PKHD1: variants seen among roughly 807,000 people sequenced by gnomAD.
PKHD1 encodes the protein PKHD1 ciliary IPT domain containing fibrocystin/polyductin.
Under a neutral mutation model 412.0 loss-of-function variants are expected in PKHD1, and 291 were observed. The ratio of observed to expected loss-of-function variants is 0.71; its 90% confidence interval spans 0.64 to 0.78. The LOEUF is 0.78. PKHD1 is among the 30% of genes least tolerant of loss of function. PKHD1 has a pLI of 0.00. For synonymous variants in PKHD1, 1,777 were observed against 1,821.5 expected, an observed-to-expected ratio of 0.98 and a Z score of 0.62; for missense variants, 4,825 against 4,950.7, an observed-to-expected ratio of 0.97 and a Z score of 0.76.
At chr6:51,841,905 C>G (rs1770274483) in intron 50 of PKHD1, among the ~76,000 whole-genome samples, 1 of 152,220 alleles carries the variant, frequency 6.6e-6, no homozygotes, top group African/African-American at 2.4e-5. Context: ...CAGTGGTAGA[C>G]AGGATCAGGA....
Position 51,747,961 on chromosome 6 carries a change from C to T in PKHD1, c.9655G>A (p.Val3219Met). 11 of 1,614,060 alleles carry T rather than the reference C, an allele frequency of 6.8e-6. No homozygotes were observed. The highest frequency in any genetic ancestry group is 9.3e-6 in the Non-Finnish European group (11 of 1,179,976). The change falls in exon 58 of 67, where the codon GTG becomes ATG. Residue 3219 changes from valine (V) to methionine (M), a missense_variant. Transcript: ENST00000371117. ...GTCAAGTTGGCTGAGTGCGGCTTCA[C>T]TTTGTCCTGAATGCAGTCAAAAGAA... ...SSSFDCIQDKVKPHSANLTST... is the reference protein window; with the variant it reads ...SSSFDCIQDKMKPHSANLTST...
intron 48 of PKHD1, among the ~76,000 whole-genome samples, chr6:51,859,878 C>A (rs1233029165): frequency 6.6e-6 from 1 of 152,194 alleles, no homozygotes. Flanking sequence ...GGAAACATTG[C>A]ACCTTCCTTT....
At chr6:51,852,191 T>C (rs1392137494) in intron 49 of PKHD1, among the ~76,000 whole-genome samples, 1 of 152,206 alleles carries the variant, frequency 6.6e-6, no homozygotes, top group Non-Finnish European at 1.5e-5. Flanking sequence ...ATTGTTCAAT[T>C]TCCATGAAAT....
chr6:51,974,233 A>C (rs1413079858), intron 35 of PKHD1, among the ~76,000 whole-genome samples: 1 of 152,152 alleles, frequency 6.6e-6, no homozygotes, highest in Non-Finnish European at 1.5e-5. Flanking sequence ...TGTTTTAGAA[A>C]ATTGAGAAAG....
intron 14 of PKHD1, 54 bp downstream of exon 14, chr6:52,062,465 C>A (rs962688576): frequency 6.3e-7 from 1 of 1,581,348 alleles, no homozygotes; most frequent in African/African-American, 1.3e-5. Flanking sequence ...CCTAGCCTCA[C>A]CTAGGTTAGC....
chr6:52,064,279 A>C (rs1809156433), intron 13 of PKHD1, among the ~76,000 whole-genome samples: 1 of 152,212 alleles, frequency 6.6e-6, no homozygotes. Context: ...ACTGCCCTTC[A>C]TCCCTGACTA....
Position 51,880,793 on chromosome 6 carries a change from A to C in PKHD1, c.7350+2300T>G, listed in dbSNP as rs1227789731. ...AAAAAAAAAATTAAAAAAAAAAAAA[A>C]AAAAAAAAAAAAAACACAAAAAATT... On this transcript the variant is annotated intron_variant, in intron 46 of 66. Transcript: ENST00000371117. 4.3e-3 allele frequency among the ~76,000 whole-genome samples: 262 copies of C among 61,048 alleles called. 43 individuals carry two copies. The highest frequency in any genetic ancestry group is 6.2e-3 in the Non-Finnish European group (215 of 34,412). 40.0% of individuals were successfully genotyped at this position (61,048 alleles called of 152,430 possible). A position where few individuals can be genotyped will look rare whatever the true frequency, so the allele number is the denominator to read the frequency against.
chr6:51,960,102 G>T (rs1583574590), intron 35 of PKHD1, 76 bp from the exon 36 acceptor site: 2 of 1,308,858 alleles, frequency 1.5e-6, no homozygotes, highest in East Asian at 2.3e-5. Flanking sequence ...TGGTTCGCTG[G>T]TTTGTTGGTT....
chr6:52,080,278 G>T (rs954414349), intron 4 of PKHD1, among the ~76,000 whole-genome samples: 9 of 152,106 alleles, frequency 5.9e-5, no homozygotes, highest in African/African-American at 2.2e-4. Flanking sequence ...AGGTTCATTG[G>T]ACTTTAAGAA....
chr6:51,766,321 A>T (rs962423598), intron 55 of PKHD1, among the ~76,000 whole-genome samples: 2 of 152,168 alleles, frequency 1.3e-5, no homozygotes, highest in African/African-American at 4.8e-5. Context: ...CCTTCCAGGG[A>T]TTTCCCTATT....
intron 36 of PKHD1, among the ~76,000 whole-genome samples, chr6:51,941,863 T>A (rs1038210044): frequency 4.6e-5 from 7 of 151,596 alleles, no homozygotes; most frequent in South Asian, 2.1e-4. Context: ...TTACCTGGGC[T>A]GTACTGCCGC....
chr6:51,890,696 A>T (rs1398448837), intron 43 of PKHD1, among the ~76,000 whole-genome samples: 1 of 151,900 alleles, frequency 6.6e-6, no homozygotes, highest in East Asian at 1.9e-4. Context: ...TCTCATTCTC[A>T]CCACATGGGG....
chr6:51,653,145 A>T (rs905304282), intron 61 of PKHD1, among the ~76,000 whole-genome samples: 1 of 152,154 alleles, frequency 6.6e-6, no homozygotes, highest in Non-Finnish European at 1.5e-5. Context: ...ACTGTGAGAT[A>T]TGCAAAGATA....
chr6:51,823,161 T>C (rs1159743724), intron 52 of PKHD1, among the ~76,000 whole-genome samples: 1 of 151,866 alleles, frequency 6.6e-6, no homozygotes, highest in Non-Finnish European at 1.5e-5. Context: ...CAGGAATACC[T>C]GCTAGAATCC....
chr6:51,742,450 G>A (rs1003258221), intron 60 of PKHD1, among the ~76,000 whole-genome samples: 14 of 152,188 alleles, frequency 9.2e-5, no homozygotes, highest in African/African-American at 3.4e-4. Context: ...GTCAAATGCT[G>A]TACTGTAGCA....
chr6:52,010,213 G>T, intron 35 of PKHD1, 96 bp downstream of exon 35: 1 of 1,013,716 alleles, frequency 9.9e-7, no homozygotes, highest in Non-Finnish European at 1.5e-6. Flanking sequence ...ATTATATATC[G>T]CTGCCATTTG....
At chr6:51,838,224 T>C (rs911830247) in intron 50 of PKHD1, among the ~76,000 whole-genome samples, 7 of 152,232 alleles carry the variant, frequency 4.6e-5, no homozygotes, top group Admixed American at 1.3e-4. Context: ...TCATCAATAA[T>C]TAGCTTTGTC....
rs142552070 is a variant in PKHD1 at position 51,909,400 on chromosome 6, C to G, written c.6565G>C (p.Val2189Leu). ...CTGGGCTCTTCTGGGAAGGACTGAA[C>G]GATCACTCTGGCTCCCATATCCCTG... is the stretch of plus-strand genomic sequence containing the variant. The part of the protein sequence containing the change: ...GSRDMGARVI[V>L]QSFPEEPSQV... The change falls in exon 40 of 67, where the codon GTT becomes CTT. Residue 2189 changes from valine to leucine, a missense_variant. By Grantham distance (32) the Val-to-Leu change is conservative. Coordinates refer to ENST00000371117, the MANE Select transcript of PKHD1 (RefSeq NM_138694.4). The G allele has an allele frequency of 1.2e-6, 2 of 1,613,366 alleles. No individual in the cohort carries two copies. The highest frequency in any genetic ancestry group is 1.7e-6 in the Non-Finnish European group (2 of 1,179,444).
intron 60 of PKHD1, among the ~76,000 whole-genome samples, chr6:51,702,671 G>T (rs1351750993): frequency 5.9e-5 from 9 of 151,754 alleles, no homozygotes; most frequent in Admixed American, 5.9e-4. Flanking sequence ...TTGATTCCAA[G>T]ATCTAGAAAA....
Sources: gnomAD v4.1 joint callset for allele counts (sites outside exome capture counted in the v4.1 genomes callset) on GRCh38, gnomAD v4.1.1 for gene constraint, MANE v1.5 for transcripts, NCBI Gene and HGNC (gene_info 2026-07-23, HGNC 2026-07-21) for gene names.